The following CD44 variants were observed in gnomAD, a reference collection of about 807,000 sequenced individuals.
CD44 encodes the protein CD44 antigen.
Under a neutral mutation model 88.8 loss-of-function variants are expected in CD44, and 49 were observed. That is an observed-to-expected ratio of 0.55 (90% confidence interval 0.44 to 0.70). The LOEUF is 0.70. Among genes scored for constraint, CD44 ranks in the 30% least tolerant of loss-of-function variants. The probability of loss-of-function intolerance (pLI) is 0.00; values close to 1 mark genes in which losing one functional copy is unlikely to be tolerated. For missense variants in CD44, 883 were observed against 913.8 expected (o/e 0.97, Z 0.43); for synonymous variants, 325 against 312.3 (o/e 1.04, Z -0.43).
intron 1 of CD44, among the ~76,000 whole-genome samples, chr11:35,141,775 T>C (rs1858006831): frequency 6.6e-6 from 1 of 152,176 alleles, no homozygotes; most frequent in Non-Finnish European, 1.5e-5. Flanking sequence ...TTTCATGTGC[T>C]TGTAAAGTTG....
rs553704675 is a variant in CD44 at position 35,174,677 on chromosome 11, C to T, written c.68-1898C>T. ...ACTAAAGTCCTTGTATTGAATAATT[C>T]TTTACCCAACTGATAGCAGTTAGGC... is the stretch of plus-strand genomic sequence containing the variant. On this transcript the variant is annotated intron_variant, in intron 1 of 17. Coordinates refer to ENST00000428726, the MANE Select transcript of CD44 (RefSeq NM_000610.4). 9.2e-5 allele frequency among the ~76,000 whole-genome samples: 14 copies of T among 152,296 alleles called. No homozygotes were observed. In the South Asian group the frequency reaches 2.7e-3, roughly 29 times the overall value.
At chr11:35,222,785 T>C in intron 17 of CD44, 1 of 984,908 alleles carries the variant, frequency 1.0e-6, no homozygotes, top group Non-Finnish European at 1.2e-6. Context: ...ATTAAGCCTT[T>C]TGTAAATGTC....
chr11:35,172,350 T>C (rs1374851933), intron 1 of CD44, among the ~76,000 whole-genome samples: 2 of 152,220 alleles, frequency 1.3e-5, no homozygotes, highest in African/African-American at 4.8e-5. Context: ...CAGCTCTTGG[T>C]TGCAGCTGAT....
At position 35,139,346 on chromosome 11, in the gene CD44, G is replaced by T; in HGVS notation, c.43G>T (p.Val15Leu). The change falls in exon 1 of 18, where the codon GTG becomes TTG. Residue 15 changes from valine (V) to leucine (L), a missense_variant. By Grantham distance (32) the Val-to-Leu change is conservative. This residue lies in a region of CD44 where 252 missense variants were observed against 322.9 expected (regional missense o/e 0.78). Coordinates refer to ENST00000428726, the MANE Select transcript of CD44 (RefSeq NM_000610.4). ...GCACGCAGCCTGGGGACTCTGCCTC[G>T]TGCCGCTGAGCCTGGCGCAGATCGG... ...WWHAAWGLCLVPLSLAQIDLN... is the reference protein window; with the variant it reads ...WWHAAWGLCLLPLSLAQIDLN... 1.3e-6 allele frequency: 2 copies of T among 1,561,432 alleles called. No individual in the cohort carries two copies. The highest frequency in any genetic ancestry group is 1.7e-6 in the Non-Finnish European group (2 of 1,152,426).
chr11:35,176,210 T>C (rs1482226292), intron 1 of CD44, among the ~76,000 whole-genome samples: 1 of 151,982 alleles, frequency 6.6e-6, no homozygotes, highest in African/African-American at 2.4e-5. Flanking sequence ...GCCCAGCTAA[T>C]TTTTTATATT....
chr11:35,157,567 T>C (rs993580145), intron 1 of CD44, among the ~76,000 whole-genome samples: 6 of 152,218 alleles, frequency 3.9e-5, no homozygotes, highest in Admixed American at 3.3e-4. Flanking sequence ...TCTGTTTCTA[T>C]TGGAATAAGA....
At chr11:35,222,310 CT>C in intron 17 of CD44, 1 of 766,778 alleles carries the variant, frequency 1.3e-6, no homozygotes, top group Non-Finnish European at 2.0e-6. Flanking sequence ...TTTTATTGGC[CT>C]TGTGCTTTTG....
Position 35,219,379 on chromosome 11 carries a change from A to G in CD44, c.1937A>G (p.Gln646Arg), listed in dbSNP as rs201896728. Residue 646 changes from glutamine to arginine, a missense_variant, in exon 16 of 18, where the codon CAA becomes CGA. By Grantham distance (43) the Gln-to-Arg change is conservative (BLOSUM62 1). Coordinates refer to ENST00000428726, the MANE Select transcript of CD44 (RefSeq NM_000610.4). Reference sequence around the variant, plus strand: ...ACCTCTGGTCCTATAAGGACACCCCAAATTCCAGGTGAGTTTCAAACTTTG... The same window carrying G: ...ACCTCTGGTCCTATAAGGACACCCCGAATTCCAGGTGAGTTTCAAACTTTG... ...NTTSGPIRTPQIPEWLIILAS... is the reference protein window; with the variant it reads ...NTTSGPIRTPRIPEWLIILAS... 5.9e-5 allele frequency: 95 copies of G among 1,613,010 alleles called. No homozygotes were observed. The highest frequency in any genetic ancestry group is 3.4e-5 in the Non-Finnish European group (40 of 1,179,146).
At chr11:35,197,945 A>T in intron 6 of CD44, 176 bp from the exon 7 acceptor site, 1 of 554,810 alleles carries the variant, frequency 1.8e-6, no homozygotes, top group Non-Finnish European at 3.2e-6. Flanking sequence ...TTGTTTTGAG[A>T]TTTATGTATT....
chr11:35,193,803 C>A (rs2133940270), intron 5 of CD44, among the ~76,000 whole-genome samples: 2 of 152,288 alleles, frequency 1.3e-5, no homozygotes, highest in African/African-American at 4.8e-5. Context: ...TTGGTAGAAA[C>A]ACATATTGAA....
chr11:35,159,185 G>C (rs1421511438), intron 1 of CD44, among the ~76,000 whole-genome samples: 2 of 152,214 alleles, frequency 1.3e-5, no homozygotes, highest in Admixed American at 1.3e-4. Flanking sequence ...TGAGGTGCCA[G>C]CTTCTGAGTG....
intron 1 of CD44, among the ~76,000 whole-genome samples, chr11:35,142,889 G>C (rs1858277436): frequency 6.6e-6 from 1 of 152,108 alleles, no homozygotes; most frequent in Non-Finnish European, 1.5e-5. Flanking sequence ...GAACTCTAAG[G>C]ATCATTTAGA....
intron 13 of CD44, 200 bp downstream of exon 13, chr11:35,210,254 C>A (rs2134178929): frequency 2.6e-6 from 1 of 379,948 alleles, no homozygotes; most frequent in Non-Finnish European, 4.7e-6. Flanking sequence ...AACTACATTT[C>A]TTCATCTTAA....
At chr11:35,195,417 G>A (rs1364964219) in intron 5 of CD44, among the ~76,000 whole-genome samples, 1 of 152,000 alleles carries the variant, frequency 6.6e-6, no homozygotes, top group Admixed American at 6.6e-5. Context: ...ATCATGCAGG[G>A]GTGGGGAGGG....
At chr11:35,196,989 G>A (rs1946821444) in intron 6 of CD44, 115 bp downstream of exon 6, 8 of 1,086,150 alleles carry the variant, frequency 7.4e-6, no homozygotes, top group Non-Finnish European at 1.1e-5. Flanking sequence ...ACAAATTTTC[G>A]TTATGACTTC....
intron 1 of CD44, among the ~76,000 whole-genome samples, chr11:35,175,732 T>A (rs7947941): frequency 0.098 from 14,865 of 152,218 alleles, 850 homozygotes; most frequent in African/African-American, 0.14. Flanking sequence ...ATGGAGAGAA[T>A]GTAAGAGTGA....
At chr11:35,159,075 A>G (rs1385687593) in intron 1 of CD44, among the ~76,000 whole-genome samples, 2 of 152,232 alleles carry the variant, frequency 1.3e-5, no homozygotes, top group Non-Finnish European at 2.9e-5. Context: ...TTCCAGAGGC[A>G]GTTTAACAGA....
At chr11:35,175,466 G>T (rs1407203041) in intron 1 of CD44, among the ~76,000 whole-genome samples, 1 of 152,188 alleles carries the variant, frequency 6.6e-6, no homozygotes, top group African/African-American at 2.4e-5. Context: ...GTGTGTATGT[G>T]TGTATGTGTA....
chr11:35,216,243 G>T (rs1388127541), intron 15 of CD44, among the ~76,000 whole-genome samples: 1 of 152,054 alleles, frequency 6.6e-6, no homozygotes, highest in East Asian at 1.9e-4. Context: ...GCAAAAGTCT[G>T]ACATGAGGTA....
Sources: allele counts gnomAD v4.1 joint callset (sites outside exome capture counted in the v4.1 genomes callset), GRCh38; gene constraint gnomAD v4.1.1; regional missense constraint gnomAD v4.1.1; transcripts MANE v1.5; gene names NCBI Gene and HGNC (gene_info 2026-07-23, HGNC 2026-07-21).